The following UTRN variants were observed in gnomAD, a reference collection of about 807,000 sequenced individuals.
UTRN encodes the protein utrophin.
Under a neutral mutation model 463.9 loss-of-function variants are expected in UTRN, and 283 were observed. The ratio of observed to expected loss-of-function variants is 0.61; its 90% CI spans 0.55 to 0.67. The LOEUF (loss-of-function observed/expected upper bound fraction) is 0.67, where lower values mean the gene tolerates loss of function less well. Ranked by LOEUF, UTRN falls within the 30% of genes least tolerant of loss-of-function variation. UTRN has a pLI of 0.00. For synonymous variants in UTRN, 1,442 were observed against 1,431.5 expected (o/e 1.01, Z -0.17); for missense variants, 3,922 against 4,084.3 (o/e 0.96, Z 1.08).
At chr6:144,799,154 AG>A (rs1777501835) in intron 64 of UTRN, among the ~76,000 whole-genome samples, 1 of 152,266 alleles carries the variant, frequency 6.6e-6, no homozygotes, top group South Asian at 2.1e-4. Flanking sequence ...TATCAGTATT[AG>A]TATCTTGAAT....
At chr6:144,630,891 CTT>C (rs1776436478) in intron 51 of UTRN, among the ~76,000 whole-genome samples, 2 of 152,034 alleles carry the variant, frequency 1.3e-5, no homozygotes, top group Non-Finnish European at 2.9e-5. Flanking sequence ...CCCAAGAAGA[CTT>C]TTCAGATTTT....
chr6:144,416,936 G>A (rs1784409317), intron 3 of UTRN, among the ~76,000 whole-genome samples: 1 of 152,208 alleles, frequency 6.6e-6, no homozygotes, highest in Admixed American at 6.5e-5. Context: ...TGTCAGAGAA[G>A]TCTCTGCAAA....
intron 51 of UTRN, among the ~76,000 whole-genome samples, chr6:144,631,651 C>T (rs996858044): frequency 3.3e-5 from 5 of 152,078 alleles, no homozygotes; most frequent in Non-Finnish European, 7.4e-5. Context: ...TTCAAAAGAG[C>T]GTAGAATATT....
intron 51 of UTRN, among the ~76,000 whole-genome samples, chr6:144,623,895 G>A (rs1421590686): frequency 1.3e-5 from 2 of 152,102 alleles, no homozygotes; most frequent in African/African-American, 2.4e-5. Flanking sequence ...GAATTTTAGA[G>A]GGCAGATAAA....
chr6:144,706,558 G>T (rs1785121278), intron 53 of UTRN, among the ~76,000 whole-genome samples: 1 of 151,982 alleles, frequency 6.6e-6, no homozygotes, highest in South Asian at 2.1e-4. Context: ...GCATACATGA[G>T]ACAGCATCTT....
At chr6:144,512,676 G>A (rs1795278772) in intron 35 of UTRN, among the ~76,000 whole-genome samples, 1 of 151,832 alleles carries the variant, frequency 6.6e-6, no homozygotes, top group Non-Finnish European at 1.5e-5. Context: ...GAGTAGCTGG[G>A]ACTACAGGCA....
chr6:144,427,805 G>T (rs1383666448), intron 7 of UTRN, among the ~76,000 whole-genome samples: 1 of 152,114 alleles, frequency 6.6e-6, no homozygotes, highest in East Asian at 1.9e-4. Context: ...TGCCTTTTAT[G>T]TGCTAGACAC....
chr6:144,433,792 G>A (rs1474987821), intron 9 of UTRN, among the ~76,000 whole-genome samples: 10 of 151,628 alleles, frequency 6.6e-5, no homozygotes, highest in Admixed American at 3.9e-4. Flanking sequence ...GATGGCGGCC[G>A]GGAAGAGGTG....
At chr6:144,380,660 A>T (rs543082770) in intron 2 of UTRN, among the ~76,000 whole-genome samples, 44 of 152,262 alleles carry the variant, frequency 2.9e-4, no homozygotes, top group African/African-American at 8.2e-4. Context: ...TAATTTTTTT[A>T]AAATATTAGC....
chr6:144,438,714 G>C (rs374438412), intron 11 of UTRN, 31 bp from the exon 12 acceptor site: 1 of 1,612,080 alleles, frequency 6.2e-7, no homozygotes, highest in Non-Finnish European at 8.5e-7. Flanking sequence ...GAAAAGGCTT[G>C]TAGGAATAAT....
chr6:144,814,956 G>A (rs1433790682), intron 65 of UTRN, among the ~76,000 whole-genome samples: 1 of 152,136 alleles, frequency 6.6e-6, no homozygotes, highest in Admixed American at 6.5e-5. Flanking sequence ...ACCTTCAAAT[G>A]CATATTTCCC....
rs184690452 is a variant in UTRN, at chr6:144,648,709, T to C, written c.7480-29697T>C. Among the ~76,000 whole-genome samples the C allele has an allele frequency of 4.2e-3, 644 of 152,312 alleles. 3 individuals carry two copies. Among genetic ancestry groups the C allele is most frequent in the Non-Finnish European group, 6.7e-3 (458 of 68,036 alleles). On this transcript the variant is annotated intron_variant, in intron 51 of 74. Coordinates refer to ENST00000367545, the MANE Select transcript of UTRN (RefSeq NM_007124.3). ...GATGGATTAAAATCAAGCCCTAGAA[T>C]TTTTGACTTGCAGTTTGAATTTGGA...
At chr6:144,726,283 G>T (rs1476120790) in intron 53 of UTRN, among the ~76,000 whole-genome samples, 1 of 152,196 alleles carries the variant, frequency 6.6e-6, no homozygotes, top group African/African-American at 2.4e-5. Context: ...CACACCTTCA[G>T]CTTCAGCTGC....
chr6:144,547,030 C>A (rs1031267815), intron 46 of UTRN, among the ~76,000 whole-genome samples: 5 of 152,214 alleles, frequency 3.3e-5, no homozygotes, highest in Admixed American at 1.3e-4. Flanking sequence ...GAGACTGAGC[C>A]TAAAAAGGCA....
intron 69 of UTRN, among the ~76,000 whole-genome samples, chr6:144,834,743 C>A (rs1195108496): frequency 6.6e-6 from 1 of 152,168 alleles, no homozygotes; most frequent in Non-Finnish European, 1.5e-5. Flanking sequence ...CTGTCTGACT[C>A]CAGAGTAACA....
chr6:144,553,567 G>T (rs894203963), intron 48 of UTRN, among the ~76,000 whole-genome samples: 1 of 152,084 alleles, frequency 6.6e-6, no homozygotes, highest in Non-Finnish European at 1.5e-5. Context: ...CTAAGTTATT[G>T]TTTATTAGTA....
At chr6:144,702,436 T>C (rs988891737) in intron 53 of UTRN, among the ~76,000 whole-genome samples, 2 of 152,210 alleles carry the variant, frequency 1.3e-5, no homozygotes, top group Non-Finnish European at 2.9e-5. Flanking sequence ...GAGTGCCTAA[T>C]ATGAACCAGC....
chr6:144,677,347 A>T (rs1781732448), intron 51 of UTRN, among the ~76,000 whole-genome samples: 1 of 151,890 alleles, frequency 6.6e-6, no homozygotes, highest in African/African-American at 2.4e-5. Flanking sequence ...GCTCCCACTT[A>T]TGAGTGAGAA....
intron 2 of UTRN, among the ~76,000 whole-genome samples, chr6:144,326,875 C>G (rs1032792779): frequency 6.6e-6 from 1 of 152,184 alleles, no homozygotes; most frequent in African/African-American, 2.4e-5. Flanking sequence ...ATGATTTTCT[C>G]AAGATGCACC....
Sources: allele counts gnomAD v4.1 joint callset (sites outside exome capture counted in the v4.1 genomes callset), GRCh38; gene constraint gnomAD v4.1.1; transcripts MANE v1.5; gene names NCBI Gene and HGNC (gene_info 2026-07-23, HGNC 2026-07-21).